The following ADAM10 variants were observed in gnomAD, a reference collection of about 807,000 sequenced individuals.
ADAM10 encodes ADAM metallopeptidase domain 10.
In ADAM10, 17 loss-of-function variants were observed where a neutral mutation model predicts 90.1. The observed-to-expected ratio is 0.19, with a 90% CI of 0.13 to 0.28. The LOEUF is 0.28. Ranked by LOEUF, ADAM10 falls within the 10% of genes least tolerant of loss-of-function variation. The pLI is 1.00. For synonymous variants in ADAM10, 310 were observed against 298.6 expected, an observed-to-expected ratio of 1.04 and a Z score of -0.40; for missense variants, 610 against 914.3, an observed-to-expected ratio of 0.67 and a Z score of 4.29.
At chr15:58,649,194 C>G (rs566450274) in intron 5 of ADAM10, among the ~76,000 whole-genome samples, 2 of 152,042 alleles carry the variant, frequency 1.3e-5, no homozygotes, top group East Asian at 3.9e-4. Flanking sequence ...ATCCCTTCCC[C>G]CATTAGCTTG....
intron 4 of ADAM10, chr15:58,676,333 C>T (rs1361612090): frequency 1.1e-5 from 5 of 454,822 alleles, no homozygotes; most frequent in African/African-American, 2.0e-5. Flanking sequence ...TATCTCATAA[C>T]GTTATTTTGA....
At chr15:58,655,687 T>TAGTATATATA in intron 5 of ADAM10, among the ~76,000 whole-genome samples, 1 of 80,296 alleles carries the variant, frequency 1.2e-5, no homozygotes, top group South Asian at 4.3e-4. Context: ...CATATATATA[T>TAGTATATATA]TATATATAGT....
chr15:58,700,568 T>C (rs1424661341), intron 2 of ADAM10, among the ~76,000 whole-genome samples: 4 of 152,000 alleles, frequency 2.6e-5, no homozygotes, highest in African/African-American at 9.7e-5. Context: ...ATCCATGGGA[T>C]ACAACAAAAG....
rs1898107778 is a variant in ADAM10, at chr15:58,700,687, CA to C, written c.206+16889del. Among the ~76,000 whole-genome samples, 3 of 152,020 alleles carry C rather than the reference CA, an allele frequency of 2.0e-5. No homozygotes were observed. The South Asian group carries it at 6.2e-4, about 32-fold the overall frequency. On this transcript the variant is annotated intron_variant, in intron 2 of 15. Coordinates refer to ENST00000260408, the MANE Select transcript of ADAM10 (RefSeq NM_001110.4). ...CCTCAAGGAACTAGTAAAGCAAGAA[CA>C]AACAAAACCCAAAATTAGTAGAAGA...
At chr15:58,718,687 A>G (rs1240512864) in intron 1 of ADAM10, among the ~76,000 whole-genome samples, 1 of 152,162 alleles carries the variant, frequency 6.6e-6, no homozygotes, top group Non-Finnish European at 1.5e-5. Context: ...GTACCGTTCA[A>G]TCTAATCTTT....
intron 1 of ADAM10, among the ~76,000 whole-genome samples, chr15:58,723,637 G>A (rs903161844): frequency 6.6e-6 from 1 of 151,796 alleles, no homozygotes; most frequent in Non-Finnish European, 1.5e-5. Context: ...CCCGGGAGAC[G>A]GAGGTTGCAG....
rs908712560 is a variant in ADAM10 at position 58,664,409 on chromosome 15, T to C, written c.585+688A>G. Among the ~76,000 whole-genome samples the C allele has an allele frequency of 5.4e-4, 82 of 152,218 alleles. 1 individual carries two copies. Among genetic ancestry groups the C allele is most frequent in the African/African-American group, 1.9e-3 (77 of 41,566 alleles). On this transcript the variant is annotated intron_variant, in intron 5 of 15. Transcript: ENST00000260408. ...TCAATATGTACTTCTTCAATACATA[T>C]AAGAATAAAATCTCACTTAACACTA...
chr15:58,712,546 G>A (rs1327098023), intron 2 of ADAM10, among the ~76,000 whole-genome samples: 8 of 149,208 alleles, frequency 5.4e-5, no homozygotes, highest in African/African-American at 1.7e-4. Context: ...AAGGCCAGAC[G>A]TGGTGGCTCA....
At chr15:58,698,528 A>G (rs1898042917) in intron 2 of ADAM10, 1 of 205,168 alleles carries the variant, frequency 4.9e-6, no homozygotes, top group South Asian at 6.1e-5. Context: ...GTGAGCCAAG[A>G]TCGCATCAAT....
intron 2 of ADAM10, 143 bp downstream of exon 2, chr15:58,717,434 T>G: frequency 1.1e-6 from 1 of 929,652 alleles, no homozygotes; most frequent in Middle Eastern, 3.0e-4. Context: ...CATTTTTTAA[T>G]GCATATACCA....
chr15:58,669,357 A>T (rs1377394476), intron 4 of ADAM10, among the ~76,000 whole-genome samples: 4 of 152,220 alleles, frequency 2.6e-5, no homozygotes, highest in African/African-American at 9.6e-5. Context: ...ATCAATGACC[A>T]GTAAACCACT....
In ADAM10 at chr15:58,597,215, G is replaced by A. The variant is rs1894978711; in HGVS notation, c.*332C>T. The A allele has an allele frequency of 1.5e-6, 1 of 682,720 alleles. No homozygotes were observed. Among genetic ancestry groups the A allele is most frequent in the Non-Finnish European group, 2.4e-6 (1 of 418,646 alleles). 42.3% of individuals were successfully genotyped at this position (682,720 alleles called of 1,614,324 possible). ...TCAATTTGTGGTAAAAGTTTATTGA[G>A]AGCCAAGTTTGCCTGCAAGTGAAGA... is the stretch of plus-strand genomic sequence containing the variant. On this transcript the variant is annotated 3_prime_UTR_variant, in exon 16 of 16. Transcript: ENST00000260408.
chr15:58,614,182 G>A (rs1895535319), intron 11 of ADAM10, among the ~76,000 whole-genome samples: 2 of 152,088 alleles, frequency 1.3e-5, no homozygotes, highest in South Asian at 4.1e-4. Flanking sequence ...CTACTCAGGA[G>A]GTTGAGGCAC....
intron 3 of ADAM10, among the ~76,000 whole-genome samples, chr15:58,681,103 A>G (rs1467213905): frequency 3.9e-5 from 6 of 152,196 alleles, no homozygotes; most frequent in Admixed American, 3.9e-4. Flanking sequence ...AACTGCTACC[A>G]TGCCTGGCCT....
At chr15:58,679,385 T>C in intron 3 of ADAM10, 103 bp from the exon 4 acceptor site, 1 of 948,502 alleles carries the variant, frequency 1.1e-6, no homozygotes, top group Non-Finnish European at 1.6e-6. Flanking sequence ...CACACATGCA[T>C]ACATATATAC....
At chr15:58,696,543 G>T (rs147876548) in intron 2 of ADAM10, among the ~76,000 whole-genome samples, 1 of 145,116 alleles carries the variant, frequency 6.9e-6, no homozygotes, top group Non-Finnish European at 1.5e-5. Context: ...TCGGCTCACC[G>T]CAACCTCCGC....
intron 4 of ADAM10, among the ~76,000 whole-genome samples, chr15:58,674,665 T>C (rs921992347): frequency 1.2e-4 from 18 of 152,350 alleles, no homozygotes; most frequent in Admixed American, 7.2e-4. Flanking sequence ...ATGGAACTAA[T>C]TGACATTTTA....
At chr15:58,634,729 A>C (rs907521742) in intron 8 of ADAM10, among the ~76,000 whole-genome samples, 1 of 152,192 alleles carries the variant, frequency 6.6e-6, no homozygotes, top group Non-Finnish European at 1.5e-5. Context: ...TGATTTTTAA[A>C]AGAAATACAA....
rs55966169 is a variant in ADAM10, at chr15:58,645,856, AC to A, written c.735+198del. Reference sequence around the variant, plus strand: ...ATCTCCTTCAGGAAATCATTGTCTTACCCCTCTCTTTTGACACTAAAATATC... The same window carrying A: ...ATCTCCTTCAGGAAATCATTGTCTTACCCTCTCTTTTGACACTAAAATATC... On this transcript the variant is annotated intron_variant, in intron 6 of 15. Coordinates refer to ENST00000260408, the MANE Select transcript of ADAM10 (RefSeq NM_001110.4). Among the ~76,000 whole-genome samples the A allele has an allele frequency of 0.18, 26,732 of 152,058 alleles. 2,610 individuals are homozygous for A. Among genetic ancestry groups the A allele is most frequent in the East Asian group, 0.44 (2,251 of 5,166 alleles).
Sources: gnomAD v4.1 joint callset for allele counts (sites outside exome capture counted in the v4.1 genomes callset) on GRCh38, gnomAD v4.1.1 for gene constraint, MANE v1.5 for transcripts, NCBI Gene and HGNC (gene_info 2026-07-23, HGNC 2026-07-21) for gene names.